Variants in SENP7 observed in about 807,000 individuals in gnomAD.
The protein encoded by SENP7 is sentrin-specific protease 7.
Under a neutral mutation model 141.2 loss-of-function variants are expected in SENP7, and 64 were observed. The ratio of observed to expected loss-of-function variants is 0.45; its 90% CI spans 0.37 to 0.56. The LOEUF is 0.56. Ranked by LOEUF, SENP7 falls within the 20% of genes least tolerant of loss-of-function variation. The pLI, the probability that SENP7 is intolerant of heterozygous loss-of-function variation, is 0.00. For missense variants in SENP7, 1,025 were observed against 1,212.2 expected, an observed-to-expected ratio of 0.85 and a Z score of 2.29; for synonymous variants, 382 against 426.4, an observed-to-expected ratio of 0.90 and a Z score of 1.28.
At chr3:101,511,375 T>A (rs2065849907) in intron 1 of SENP7, among the ~76,000 whole-genome samples, 1 of 152,160 alleles carries the variant, frequency 6.6e-6, no homozygotes, top group South Asian at 2.1e-4. Flanking sequence ...CTAGATGAAA[T>A]GCATTTATTT....
At chr3:101,488,828 G>A (rs1031137126) in intron 3 of SENP7, among the ~76,000 whole-genome samples, 1 of 152,160 alleles carries the variant, frequency 6.6e-6, no homozygotes, top group African/African-American at 2.4e-5. Context: ...GCGACAGAGA[G>A]AGCCTTGCCT....
rs748194588 is a variant in SENP7 at position 101,325,710 on chromosome 3, T to C, written c.*233A>G. On this transcript the variant is annotated 3_prime_UTR_variant, in exon 24 of 24. Transcript: ENST00000394095. ...TACTCAGAAAAATATGAAATATTTA[T>C]AAAATTTTAATTTATATCTAGTAAG... 2.8e-5 allele frequency: 7 copies of C among 253,336 alleles called. No homozygotes were observed. The highest frequency in any genetic ancestry group is 5.1e-5 in the Non-Finnish European group (7 of 136,218). The allele number at this position is 253,336 out of a possible 1,614,324, so 15.7% of individuals were successfully genotyped here. A position where few individuals can be genotyped will look rare whatever the true frequency, so the allele number is the denominator to read the frequency against.
intron 3 of SENP7, among the ~76,000 whole-genome samples, chr3:101,480,023 T>G (rs188060526): frequency 1.4e-3 from 197 of 144,390 alleles, no homozygotes; most frequent in Admixed American, 2.6e-3. Context: ...TGGAAAAAAC[T>G]GAAGAGGATA....
chr3:101,448,503 G>C (rs965491489), intron 4 of SENP7, among the ~76,000 whole-genome samples: 8 of 152,200 alleles, frequency 5.3e-5, no homozygotes, highest in African/African-American at 1.9e-4. Flanking sequence ...ATCAGCAGCA[G>C]AGGCTGCAGA....
At chr3:101,374,487 A>G (rs2060264614) in intron 6 of SENP7, among the ~76,000 whole-genome samples, 1 of 152,160 alleles carries the variant, frequency 6.6e-6, no homozygotes, top group Non-Finnish European at 1.5e-5. Context: ...TGGGCATGGT[A>G]GTTGACGCCT....
chr3:101,371,896 T>G (rs1660058990), intron 7 of SENP7, 112 bp downstream of exon 7: 1 of 395,564 alleles, frequency 2.5e-6, no homozygotes, highest in African/African-American at 2.1e-5. Context: ...AATCTCCCTT[T>G]ACTTTCACAT....
At chr3:101,434,832 A>G (rs921273911) in intron 4 of SENP7, among the ~76,000 whole-genome samples, 2 of 152,132 alleles carry the variant, frequency 1.3e-5, no homozygotes, top group African/African-American at 4.8e-5. Flanking sequence ...GCTAAATTCT[A>G]CCAAACATTT....
At chr3:101,354,293 A>T (rs1307470230) in intron 11 of SENP7, among the ~76,000 whole-genome samples, 1 of 152,086 alleles carries the variant, frequency 6.6e-6, no homozygotes, top group Non-Finnish European at 1.5e-5. Flanking sequence ...TCAGGGGTAC[A>T]TGTACAGGTC....
chr3:101,328,715 T>G lies in SENP7; in HGVS notation c.2752-26A>C, dbSNP rs2107187605. ...CTGAAATAACATAAATTTTTATGACTGCAATTAAAGCTATTTTGAATAATT... is the reference window on the plus strand; with the variant it reads ...CTGAAATAACATAAATTTTTATGACGGCAATTAAAGCTATTTTGAATAATT... On this transcript the variant is annotated intron_variant, in intron 20 of 23. Coordinates refer to ENST00000394095, the MANE Select transcript of SENP7 (RefSeq NM_020654.5). The G allele has an allele frequency of 2.6e-6, 4 of 1,558,268 alleles. No homozygotes were observed. The East Asian group carries it at 9.0e-5, about 35-fold the overall frequency.
At chr3:101,370,048 T>C (rs1326590396) in intron 7 of SENP7, among the ~76,000 whole-genome samples, 1 of 152,162 alleles carries the variant, frequency 6.6e-6, no homozygotes, top group Middle Eastern at 3.2e-3. Flanking sequence ...AAAAAATAAC[T>C]GGTATCAGAT....
At chr3:101,468,245 A>C (rs1272597365) in intron 3 of SENP7, among the ~76,000 whole-genome samples, 1 of 152,234 alleles carries the variant, frequency 6.6e-6, no homozygotes, top group Non-Finnish European at 1.5e-5. Flanking sequence ...CTGTACCTGA[A>C]AGTGATGGAG....
At chr3:101,414,060 A>C (rs1000600639) in intron 5 of SENP7, among the ~76,000 whole-genome samples, 8 of 152,244 alleles carry the variant, frequency 5.3e-5, no homozygotes, top group African/African-American at 1.9e-4. Context: ...ACGTAAAGGA[A>C]ACCTAATCAA....
In SENP7 at chr3:101,500,478, G is replaced by T. The variant is rs563577508; in HGVS notation, c.90+592C>A. On this transcript the variant is annotated intron_variant, in intron 2 of 23. Transcript: ENST00000394095. ...AGGCTGAGGCAGGAGGATCCCTAAA[G>T]CCCAGGAGTTCAAGGCTGCAGTGAG... Among the ~76,000 whole-genome samples, 11 of 152,146 alleles carry T rather than the reference G, an allele frequency of 7.2e-5. No homozygotes were observed. In the South Asian group the frequency reaches 1.5e-3, roughly 20 times the overall value.
intron 4 of SENP7, among the ~76,000 whole-genome samples, chr3:101,433,441 T>G (rs1279486754): frequency 6.6e-6 from 1 of 150,962 alleles, no homozygotes; most frequent in Non-Finnish European, 1.5e-5. Context: ...TAACATTGAA[T>G]ATAAATGGAC....
intron 2 of SENP7, 101 bp downstream of exon 2, chr3:101,500,969 A>G: frequency 1.2e-6 from 1 of 816,258 alleles, no homozygotes; most frequent in South Asian, 1.6e-5. Context: ...CTAAAGTTTT[A>G]TACTGTTTTC....
In SENP7 at chr3:101,417,650, C is replaced by G. The variant is rs1559794893; in HGVS notation, c.425G>C (p.Ser142Thr). The G allele has an allele frequency of 6.2e-7, 1 of 1,613,948 alleles. No homozygotes were observed. Among genetic ancestry groups the G allele is most frequent in the South Asian group, 1.1e-5 (1 of 91,074 alleles). The change falls in exon 5 of 24, where the codon AGC becomes ACC. Residue 142 changes from serine (S) to threonine (T), a missense_variant. Coordinates refer to ENST00000394095, the MANE Select transcript of SENP7 (RefSeq NM_020654.5). ...SDSLPSTSVD[S>T]LETCQKLEPL... ...TTCTAATTTTTGACATGTCTCTAGG[C>G]TGTCAACAGATGTCGAAGGCAATGA...
intron 3 of SENP7, among the ~76,000 whole-genome samples, chr3:101,479,521 G>T (rs1007974366): frequency 6.6e-6 from 1 of 151,722 alleles, no homozygotes; most frequent in Non-Finnish European, 1.5e-5. Flanking sequence ...CAGGAGGATG[G>T]TTTCCTTGTG....
intron 4 of SENP7, among the ~76,000 whole-genome samples, chr3:101,446,328 G>C (rs892769568): frequency 6.6e-6 from 1 of 152,178 alleles, no homozygotes; most frequent in Admixed American, 6.6e-5. Context: ...ATAGCAATGT[G>C]AGAATGGACT....
rs145729851 is a variant in SENP7 at position 101,459,044 on chromosome 3, T to C, written c.195A>G (p.Arg65=). The change falls in exon 4 of 24, where the codon AGA becomes AGG. Residue 65 remains arginine (R), a synonymous_variant. Transcript: ENST00000394095. ...GAGAGATGACTTTATTCCTTAGGCT[T>C]CTTTCCCACTAGGAAAAAAAAAATG... is the stretch of plus-strand genomic sequence containing the variant. ...ERWTLPLQWE[R]SLRNKVISLD... The C allele has an allele frequency of 3.8e-6, 6 of 1,570,966 alleles. No homozygotes were observed. Among genetic ancestry groups the C allele is most frequent in the African/African-American group, 2.7e-5 (2 of 73,142 alleles).
Sources: allele counts gnomAD v4.1 joint callset (sites outside exome capture counted in the v4.1 genomes callset), GRCh38; gene constraint gnomAD v4.1.1; transcripts MANE v1.5; gene names NCBI Gene and HGNC (gene_info 2026-07-23, HGNC 2026-07-21).